Variants in MITF observed in about 807,000 individuals in gnomAD.
MITF encodes microphthalmia-associated transcription factor.
In MITF, 17 loss-of-function variants were observed where a neutral mutation model predicts 60.5. The ratio of observed to expected loss-of-function variants is 0.28; its 90% CI spans 0.19 to 0.42. The LOEUF is 0.42. Among genes scored for constraint, MITF ranks in the 10% least tolerant of loss-of-function variants. MITF has a pLI of 1.00. For missense variants in MITF, 622 were observed against 683.5 expected, an observed-to-expected ratio of 0.91 and a Z score of 1.00; for synonymous variants, 260 against 248.5, an observed-to-expected ratio of 1.05 and a Z score of -0.43.
chr3:69,869,152 G>T lies in MITF; in HGVS notation c.105-9982G>T, dbSNP rs562833234. ...TTAGATTCTATGAGGTAGAATATTT[G>T]TTGGGAGACAGACACCAACTTTACT... On this transcript the variant is annotated intron_variant, in intron 1 of 9. Coordinates refer to ENST00000352241, the MANE Select transcript of MITF (RefSeq NM_001354604.2). Among the ~76,000 whole-genome samples, 12 of 152,288 alleles carry T rather than the reference G, an allele frequency of 7.9e-5. 1 individual carries two copies. The South Asian group carries it at 2.5e-3, about 32-fold the overall frequency.
At chr3:69,874,522 T>C (rs1262509313) in intron 1 of MITF, among the ~76,000 whole-genome samples, 3 of 152,234 alleles carry the variant, frequency 2.0e-5, no homozygotes, top group Non-Finnish European at 2.9e-5. Context: ...ACCACAGTGC[T>C]GAGAGGCAGA....
At chr3:69,884,295 C>T (rs1449319592) in intron 2 of MITF, among the ~76,000 whole-genome samples, 1 of 152,082 alleles carries the variant, frequency 6.6e-6, no homozygotes, top group South Asian at 2.1e-4. Flanking sequence ...ATAACCCTAC[C>T]ATCAGTTGCC....
chr3:69,937,683 A>G (rs1428331238), intron 2 of MITF, 139 bp from the exon 3 acceptor site: 7 of 748,790 alleles, frequency 9.3e-6, no homozygotes, highest in Non-Finnish European at 1.7e-5. Flanking sequence ...CCGTTAGCAC[A>G]GTGCCTGGTA....
chr3:69,762,349 T>C (rs1022742740), intron 1 of MITF, among the ~76,000 whole-genome samples: 4 of 151,950 alleles, frequency 2.6e-5, no homozygotes, highest in African/African-American at 9.7e-5. Context: ...AGAAAAACAA[T>C]AATAAGAAAA....
intron 2 of MITF, among the ~76,000 whole-genome samples, chr3:69,909,634 G>C (rs566593637): frequency 1.3e-5 from 2 of 152,160 alleles, no homozygotes; most frequent in African/African-American, 2.4e-5. Flanking sequence ...TGAGGAACTT[G>C]TTGGGAACTG....
At chr3:69,938,796 A>G (rs1428569917) in intron 3 of MITF, 1 of 1,377,656 alleles carries the variant, frequency 7.3e-7, no homozygotes, top group African/African-American at 1.5e-5. Flanking sequence ...ATGGACTATG[A>G]AGTGTTTATG....
chr3:69,889,904 T>G (rs2064719960), intron 2 of MITF, among the ~76,000 whole-genome samples: 2 of 152,142 alleles, frequency 1.3e-5, no homozygotes, highest in Non-Finnish European at 2.9e-5. Context: ...ACGTGGTCTT[T>G]GCATTGGACA....
At chr3:69,961,559 AAAAAG>A (rs1373319236) in intron 9 of MITF, among the ~76,000 whole-genome samples, 19 of 150,102 alleles carry the variant, frequency 1.3e-4, no homozygotes, top group East Asian at 2.0e-4. Flanking sequence ...ACAAAAAAAA[AAAAAG>A]AAAAGAAAAG....
At chr3:69,934,202 A>G (rs1004864110) in intron 2 of MITF, among the ~76,000 whole-genome samples, 5 of 152,188 alleles carry the variant, frequency 3.3e-5, no homozygotes, top group African/African-American at 1.2e-4. Context: ...GAGTTCTGCC[A>G]GATCTGGACT....
At chr3:69,943,508 A>G (rs557625162) in intron 5 of MITF, among the ~76,000 whole-genome samples, 1 of 152,256 alleles carries the variant, frequency 6.6e-6, no homozygotes, top group African/African-American at 2.4e-5. Context: ...AGCATTGGAA[A>G]CATAAGTTGT....
chr3:69,872,733 A>T (rs2064266926), intron 1 of MITF, among the ~76,000 whole-genome samples: 1 of 152,158 alleles, frequency 6.6e-6, no homozygotes, highest in Non-Finnish European at 1.5e-5. Context: ...AAATGTGGAG[A>T]ATCCTGAATG....
chr3:69,878,167 A>AT (rs1222660487), intron 1 of MITF, among the ~76,000 whole-genome samples: 6 of 152,206 alleles, frequency 3.9e-5, no homozygotes, highest in African/African-American at 1.4e-4. Context: ...AGAAATTTTA[A>AT]AAGAACAGCT....
chr3:69,777,525 G>C (rs2062493530), intron 1 of MITF, among the ~76,000 whole-genome samples: 1 of 152,184 alleles, frequency 6.6e-6, no homozygotes, highest in Admixed American at 6.5e-5. Context: ...GCAGGGCTTT[G>C]AGTAGCATTG....
intron 1 of MITF, among the ~76,000 whole-genome samples, chr3:69,847,445 G>A (rs1179847724): frequency 6.6e-6 from 1 of 152,160 alleles, no homozygotes; most frequent in African/African-American, 2.4e-5. Context: ...TGTCTTATTT[G>A]CATAACTCAT....
intron 2 of MITF, chr3:69,936,457 G>GA: frequency 5.4e-6 from 3 of 559,880 alleles, no homozygotes; most frequent in Non-Finnish European, 5.6e-6. Flanking sequence ...AAGCCAGGGG[G>GA]AAAAATTGAT....
Position 69,872,787 on chromosome 3 carries a change from G to A in MITF, c.105-6347G>A, listed in dbSNP as rs546645381. Among the ~76,000 whole-genome samples, 4 of 152,232 alleles carry A rather than the reference G, an allele frequency of 2.6e-5. No homozygotes were observed. The South Asian group carries it at 8.3e-4, about 32-fold the overall frequency. On this transcript the variant is annotated intron_variant, in intron 1 of 9. Transcript: ENST00000352241. ...TTTTTAGCAGCGAATTGAGGTCTCAGCATTAGAAAGAAAAGACTTCAGATT... is the reference window on the plus strand; with the variant it reads ...TTTTTAGCAGCGAATTGAGGTCTCAACATTAGAAAGAAAAGACTTCAGATT...
At position 69,965,245 on chromosome 3, in the gene MITF, T is replaced by C. The variant is rs1242392221; in HGVS notation, c.1578T>C (p.Cys526=). 1 of 1,613,692 alleles carries C rather than the reference T, an allele frequency of 6.2e-7. No homozygotes were observed. Among genetic ancestry groups the C allele is most frequent in the Non-Finnish European group, 8.5e-7 (1 of 1,179,772 alleles). Residue 526 remains cysteine, a synonymous_variant, in exon 10 of 10, where the codon TGT becomes TGC. Coordinates refer to ENST00000352241, the MANE Select transcript of MITF (RefSeq NM_001354604.2). ...GCATGGAAGAGACGGAGCACACTTG[T>C]TAGCGAATCCTCCCTGCACTGCATT... The part of the protein sequence containing the change: ...SMSMEETEHT[C]
Position 69,887,931 on chromosome 3 carries a change from C to G in MITF, c.354+8548C>G, listed in dbSNP as rs143374062. 8.6e-3 allele frequency among the ~76,000 whole-genome samples: 1,315 copies of G among 152,080 alleles called. 21 individuals carry two copies. The highest frequency in any genetic ancestry group is 0.03 in the African/African-American group (1,251 of 41,484). On this transcript the variant is annotated intron_variant, in intron 2 of 9. Transcript: ENST00000352241. ...GTTCTTCTGTCAGGTGTAAACTCAC[C>G]AGTTTACTAGACTTAGACACATTAT...
intron 1 of MITF, among the ~76,000 whole-genome samples, chr3:69,851,616 A>G (rs1207628088): frequency 6.6e-6 from 1 of 152,184 alleles, no homozygotes; most frequent in Non-Finnish European, 1.5e-5. Flanking sequence ...CAAAACATAG[A>G]AACAGAAAAC....
Sources: gnomAD v4.1 joint callset for allele counts (sites outside exome capture counted in the v4.1 genomes callset) on GRCh38, gnomAD v4.1.1 for gene constraint, MANE v1.5 for transcripts, NCBI Gene and HGNC (gene_info 2026-07-23, HGNC 2026-07-21) for gene names.